The following POU6F2 variants were observed in gnomAD, a reference collection of about 807,000 sequenced individuals.
The protein encoded by POU6F2 is POU domain, class 6, transcription factor 2.
POU6F2 carries 31 observed loss-of-function variants against 71.3 expected under a neutral mutation model. The observed-to-expected ratio is 0.43, with a 90% confidence interval of 0.33 to 0.59. POU6F2 has a LOEUF of 0.59. Among genes scored for constraint, POU6F2 ranks in the 20% least tolerant of loss-of-function variants. The probability of loss-of-function intolerance (pLI) is 0.04; values close to 1 mark genes in which losing one functional copy is unlikely to be tolerated. For synonymous variants in POU6F2, 347 were observed against 355.7 expected, an observed-to-expected ratio of 0.98 and a Z score of 0.27; for missense variants, 783 against 856.8, an observed-to-expected ratio of 0.91 and a Z score of 1.07.
At chr7:39,075,469 A>G (rs549582157) in intron 1 of POU6F2, among the ~76,000 whole-genome samples, 1 of 152,354 alleles carries the variant, frequency 6.6e-6, no homozygotes, top group East Asian at 1.9e-4. Context: ...TTTTTGAAGA[A>G]AAAGTTTTTC....
At chr7:38,994,242 AGT>A (rs757310563) in intron 1 of POU6F2, among the ~76,000 whole-genome samples, 1 of 152,066 alleles carries the variant, frequency 6.6e-6, no homozygotes, top group Non-Finnish European at 1.5e-5. Context: ...GGAGTCACTC[AGT>A]TGGTCAGGAA....
At chr7:39,276,540 T>TCC (rs1784443119) in intron 4 of POU6F2, among the ~76,000 whole-genome samples, 1 of 151,134 alleles carries the variant, frequency 6.6e-6, no homozygotes, top group African/African-American at 2.4e-5. Flanking sequence ...GACCCAGCCA[T>TCC]CCCATTACTG....
chr7:39,267,449 G>A (rs1359221693), intron 4 of POU6F2, among the ~76,000 whole-genome samples: 1 of 152,184 alleles, frequency 6.6e-6, no homozygotes, highest in Non-Finnish European at 1.5e-5. Flanking sequence ...GAGGCAGCAG[G>A]GAGCCCCGCA....
chr7:39,135,416 G>A (rs1325945830), intron 2 of POU6F2, among the ~76,000 whole-genome samples: 1 of 152,156 alleles, frequency 6.6e-6, no homozygotes, highest in Non-Finnish European at 1.5e-5. Flanking sequence ...CATATATTGG[G>A]TTGGAAAAAT....
intron 3 of POU6F2, 129 bp from the exon 4 acceptor site, chr7:39,207,263 G>T: frequency 1.4e-6 from 1 of 736,238 alleles, no homozygotes; most frequent in Non-Finnish European, 2.1e-6. Flanking sequence ...TTTTTTTAAT[G>T]AGATAGGGCA....
At chr7:39,049,392 C>T (rs1419902587) in intron 1 of POU6F2, among the ~76,000 whole-genome samples, 2 of 151,864 alleles carry the variant, frequency 1.3e-5, no homozygotes, top group African/African-American at 4.8e-5. Context: ...TAATTCAGCT[C>T]AAAATATTTT....
chr7:39,174,639 C>G (rs1483662453), intron 2 of POU6F2, among the ~76,000 whole-genome samples: 1 of 152,066 alleles, frequency 6.6e-6, no homozygotes, highest in Non-Finnish European at 1.5e-5. Flanking sequence ...TGGCTTGTCC[C>G]CTCTCTCCTC....
intron 6 of POU6F2, among the ~76,000 whole-genome samples, chr7:39,422,919 G>C (rs1346978131): frequency 6.6e-6 from 1 of 152,134 alleles, no homozygotes; most frequent in Non-Finnish European, 1.5e-5. Context: ...CTAGAAAACT[G>C]CCTGACAGTG....
chr7:39,038,075 G>A (rs1300045523), intron 1 of POU6F2, among the ~76,000 whole-genome samples: 3 of 152,054 alleles, frequency 2.0e-5, no homozygotes, highest in Non-Finnish European at 4.4e-5. Flanking sequence ...ACCTGTTCAA[G>A]CTGTAGCTTA....
intron 4 of POU6F2, among the ~76,000 whole-genome samples, chr7:39,315,640 C>T (rs543609663): frequency 5.3e-5 from 8 of 152,280 alleles, no homozygotes; most frequent in Non-Finnish European, 1.0e-4. Flanking sequence ...CTCTTTATTC[C>T]GTTCCCCTTT....
chr7:39,432,972 C>T (rs887361416), intron 6 of POU6F2, 105 bp from the exon 7 acceptor site: 18 of 1,125,112 alleles, frequency 1.6e-5, no homozygotes, highest in East Asian at 5.1e-5. Context: ...GATTCTGAGT[C>T]GGCTCCCAGG....
intron 1 of POU6F2, among the ~76,000 whole-genome samples, chr7:39,024,875 A>G (rs1789763048): frequency 6.6e-6 from 1 of 152,152 alleles, no homozygotes; most frequent in African/African-American, 2.4e-5. Context: ...ATGGTGGATA[A>G]GCTTTTTGAT....
In POU6F2 at chr7:39,055,186, T is replaced by C. The variant is rs546718799; in HGVS notation, c.106-30674T>C. Among the ~76,000 whole-genome samples, 4 of 152,268 alleles carry C rather than the reference T, an allele frequency of 2.6e-5. No individual in the cohort carries two copies. The East Asian group carries it at 7.7e-4, about 29-fold the overall frequency. On this transcript the variant is annotated intron_variant, in intron 1 of 9. Transcript: ENST00000518318. ...AAATTAATTAGCCTTGGAGATTAAGTGCAGGTGGTGAGCAAGGGGAACTGG... is the reference window on the plus strand; with the variant it reads ...AAATTAATTAGCCTTGGAGATTAAGCGCAGGTGGTGAGCAAGGGGAACTGG...
intron 2 of POU6F2, among the ~76,000 whole-genome samples, chr7:39,122,854 C>T (rs1296893990): frequency 6.6e-6 from 1 of 151,910 alleles, no homozygotes; most frequent in Non-Finnish European, 1.5e-5. Flanking sequence ...ATTACAGGTG[C>T]ATGCCACCAT....
chr7:39,325,694 T>C lies in POU6F2; in HGVS notation c.599-13948T>C, dbSNP rs940794448. ...TTAAATCAACCATGAAAATAAGCAC[T>C]GGCCCATGTGTCTATAGTCTAAAAG... On this transcript the variant is annotated intron_variant, in intron 4 of 9. Transcript: ENST00000518318. Among the ~76,000 whole-genome samples, 5 of 152,168 alleles carry C rather than the reference T, an allele frequency of 3.3e-5. 1 individual carries two copies. Among genetic ancestry groups the C allele is most frequent in the East Asian group, 1.9e-4 (1 of 5,182 alleles).
intron 6 of POU6F2, among the ~76,000 whole-genome samples, chr7:39,407,310 C>T (rs1043540990): frequency 6.6e-6 from 1 of 151,776 alleles, no homozygotes; most frequent in Admixed American, 6.6e-5. Context: ...CCAATTCCTA[C>T]GGAAGCCAGG....
chr7:39,460,727 C>A lies in POU6F2; in HGVS notation c.1658+12C>A, dbSNP rs756754671. ...TCGGCCATCTGCAGGTAACGCGCGC[C>A]TGCATGCTGTCACCTCTTCTAGCCG... On this transcript the variant is annotated intron_variant, in intron 9 of 9. Transcript: ENST00000518318. The surrounding 1 kb of genome is among the most constrained non-coding windows in gnomAD (Gnocchi z 4.4). 4.6e-5 allele frequency: 73 copies of A among 1,574,182 alleles called. No homozygotes were observed. Among genetic ancestry groups the A allele is most frequent in the Admixed American group, 3.8e-4 (21 of 54,940 alleles).
chr7:39,437,598 AG>A (rs1487101136), intron 7 of POU6F2, among the ~76,000 whole-genome samples: 1 of 151,964 alleles, frequency 6.6e-6, no homozygotes, highest in Non-Finnish European at 1.5e-5. Context: ...AATTTTTGGA[AG>A]GGTTTTTCTT....
intron 2 of POU6F2, among the ~76,000 whole-genome samples, chr7:39,179,120 A>C (rs558255366): frequency 1.6e-4 from 24 of 152,322 alleles, no homozygotes; most frequent in Non-Finnish European, 3.4e-4. Flanking sequence ...TTATTATAGC[A>C]TTATCAGTCA....
Sources: gnomAD v4.1 joint callset for allele counts (sites outside exome capture counted in the v4.1 genomes callset) on GRCh38, gnomAD v4.1.1 for gene constraint, Gnocchi (gnomAD v3.1) non-coding constraint, MANE v1.5 for transcripts, NCBI Gene and HGNC (gene_info 2026-07-23, HGNC 2026-07-21) for gene names.